Variants in ZMAT4 observed in about 807,000 individuals in gnomAD.
ZMAT4 encodes the protein zinc finger matrin-type protein 4.
Under a neutral mutation model 28.7 loss-of-function variants are expected in ZMAT4, and 17 were observed. The observed-to-expected ratio is 0.59, with a 90% CI of 0.41 to 0.89. The LOEUF (loss-of-function observed/expected upper bound fraction) is 0.89. ZMAT4 is among the 40% of genes least tolerant of loss of function. The pLI, the probability that ZMAT4 is intolerant of heterozygous loss-of-function variation, is 0.00. For missense variants in ZMAT4, 240 were observed against 283.8 expected (o/e 0.85, Z 1.11); for synonymous variants, 117 against 109.2 (o/e 1.07, Z -0.44).
chr8:40,839,688 A>G (rs1816630433), intron 1 of ZMAT4, among the ~76,000 whole-genome samples: 2 of 152,224 alleles, frequency 1.3e-5, no homozygotes, highest in Non-Finnish European at 2.9e-5. Flanking sequence ...TCGATATCTT[A>G]AGTGAAACAT....
rs148778460 is a variant in ZMAT4, at chr8:40,751,851, A to C, written c.192+15790T>G. 2.6e-3 allele frequency among the ~76,000 whole-genome samples: 393 copies of C among 152,258 alleles called. 1 individual carries two copies. The highest frequency in any genetic ancestry group is 9.2e-3 in the African/African-American group (384 of 41,546). On this transcript the variant is annotated intron_variant, in intron 3 of 6. Coordinates refer to ENST00000297737, the MANE Select transcript of ZMAT4 (RefSeq NM_024645.3). ...TTTTAAAATTATAATTGTTTCAAAG[A>C]AAAAGAATAGGGCAGTATTATGAAA...
At chr8:40,746,777 G>A (rs774554286) in intron 3 of ZMAT4, among the ~76,000 whole-genome samples, 2 of 152,172 alleles carry the variant, frequency 1.3e-5, no homozygotes, top group Admixed American at 6.5e-5. Flanking sequence ...GGTCATGCTA[G>A]CCTTTTCTAT....
At chr8:40,876,479 C>T (rs1399477978) in intron 1 of ZMAT4, among the ~76,000 whole-genome samples, 3 of 151,918 alleles carry the variant, frequency 2.0e-5, no homozygotes, top group African/African-American at 7.3e-5. Flanking sequence ...TGCCTGGATA[C>T]TTTTTTAAAA....
chr8:40,655,137 G>T (rs1391705156), intron 5 of ZMAT4, among the ~76,000 whole-genome samples: 2 of 151,124 alleles, frequency 1.3e-5, no homozygotes, highest in Non-Finnish European at 2.9e-5. Flanking sequence ...CAAGATACAA[G>T]ATTTATATTT....
chr8:40,547,242 C>T (rs1022621598), intron 6 of ZMAT4, among the ~76,000 whole-genome samples: 4 of 152,164 alleles, frequency 2.6e-5, no homozygotes, highest in South Asian at 2.1e-4. Flanking sequence ...ATCTCATGAA[C>T]GGCTGCTGGG....
At chr8:40,627,166 T>C (rs1188452454) in intron 5 of ZMAT4, among the ~76,000 whole-genome samples, 4 of 152,200 alleles carry the variant, frequency 2.6e-5, no homozygotes, top group African/African-American at 9.6e-5. Flanking sequence ...TTGAAGTCAG[T>C]TTGTCCTTGA....
intron 1 of ZMAT4, among the ~76,000 whole-genome samples, chr8:40,850,191 G>A (rs771897915): frequency 2.6e-5 from 4 of 151,918 alleles, no homozygotes; most frequent in Admixed American, 6.6e-5. Flanking sequence ...ATCAGAACCC[G>A]GCCCTCCCTT....
At chr8:40,641,936 T>C (rs1807050893) in intron 5 of ZMAT4, among the ~76,000 whole-genome samples, 1 of 152,062 alleles carries the variant, frequency 6.6e-6, no homozygotes, top group Admixed American at 6.6e-5. Context: ...AAAATAATGA[T>C]AATAATAAAA....
chr8:40,786,173 C>T (rs929948534), intron 2 of ZMAT4, among the ~76,000 whole-genome samples: 22 of 152,280 alleles, frequency 1.4e-4, no homozygotes, highest in Admixed American at 2.6e-4. Flanking sequence ...TGGACTTCAA[C>T]AAGGGGGTGA....
At chr8:40,824,599 C>T (rs541124198) in intron 2 of ZMAT4, among the ~76,000 whole-genome samples, 20 of 137,424 alleles carry the variant, frequency 1.5e-4, no homozygotes, top group East Asian at 8.5e-4. Context: ...CTGAGTGAGA[C>T]GCTATCTCAG....
intron 3 of ZMAT4, among the ~76,000 whole-genome samples, chr8:40,733,541 A>C (rs1299898217): frequency 6.6e-6 from 1 of 152,146 alleles, no homozygotes; most frequent in Non-Finnish European, 1.5e-5. Context: ...GCTGAAATGC[A>C]GAAGCTTTTG....
At chr8:40,604,949 G>A (rs1485301970) in intron 5 of ZMAT4, among the ~76,000 whole-genome samples, 1 of 151,980 alleles carries the variant, frequency 6.6e-6, no homozygotes, top group Non-Finnish European at 1.5e-5. Context: ...TTTAATCTAG[G>A]AGGGCACATT....
chr8:40,677,853 A>C (rs907615689), intron 4 of ZMAT4, among the ~76,000 whole-genome samples: 2 of 152,338 alleles, frequency 1.3e-5, no homozygotes, highest in African/African-American at 4.8e-5. Flanking sequence ...ATTGCAAAAA[A>C]TATTAACTAA....
intron 5 of ZMAT4, among the ~76,000 whole-genome samples, chr8:40,631,849 G>C (rs1024462870): frequency 6.6e-6 from 1 of 152,166 alleles, no homozygotes; most frequent in African/African-American, 2.4e-5. Flanking sequence ...GACTAAGCTG[G>C]AATCTTACCC....
At chr8:40,552,865 G>A (rs774805442) in intron 6 of ZMAT4, among the ~76,000 whole-genome samples, 6 of 152,090 alleles carry the variant, frequency 3.9e-5, no homozygotes, top group African/African-American at 4.8e-5. Flanking sequence ...CCCACCTCCC[G>A]TCGCTGTGGC....
At chr8:40,690,906 C>A in intron 4 of ZMAT4, 1 of 985,126 alleles carries the variant, frequency 1.0e-6, no homozygotes, top group African/African-American at 1.7e-5. Context: ...TGAATGAGAT[C>A]ATTGCTTATC....
At chr8:40,875,974 G>A (rs1054403733) in intron 1 of ZMAT4, among the ~76,000 whole-genome samples, 1 of 152,250 alleles carries the variant, frequency 6.6e-6, no homozygotes, top group South Asian at 2.1e-4. Context: ...CTAGACCAAG[G>A]GTGGCGACAG....
At chr8:40,836,022 T>C (rs189254699) in intron 1 of ZMAT4, among the ~76,000 whole-genome samples, 1 of 152,288 alleles carries the variant, frequency 6.6e-6, no homozygotes, top group Admixed American at 6.5e-5. Context: ...GGACTCACTA[T>C]CCAGTTTCTC....
intron 2 of ZMAT4, among the ~76,000 whole-genome samples, chr8:40,799,738 C>T (rs1814757925): frequency 6.6e-6 from 1 of 151,828 alleles, no homozygotes; most frequent in Non-Finnish European, 1.5e-5. Context: ...ACAATGTATT[C>T]AATTGTATAA....
Sources: allele counts gnomAD v4.1 joint callset (sites outside exome capture counted in the v4.1 genomes callset), GRCh38; gene constraint gnomAD v4.1.1; transcripts MANE v1.5; gene names NCBI Gene and HGNC (gene_info 2026-07-23, HGNC 2026-07-21).